KCNJ1: variants seen among roughly 807,000 people sequenced by gnomAD.
KCNJ1 encodes the protein ATP-sensitive inward rectifier potassium channel 1.
A neutral mutation model predicts 21.9 loss-of-function variants in KCNJ1; 24 were observed. The observed-to-expected ratio is 1.10, with a 90% CI of 0.79 to 1.54. The LOEUF is 1.54. Among genes scored for constraint, KCNJ1 ranks in the 40% most tolerant of loss-of-function variants. The probability of loss-of-function intolerance (pLI) is 0.00; values close to 1 mark genes in which losing one functional copy is unlikely to be tolerated. For synonymous variants in KCNJ1, 152 were observed against 160.9 expected (o/e 0.94, Z 0.42); for missense variants, 457 against 455.4 (o/e 1.00, Z -0.03).
intron 1 of KCNJ1, among the ~76,000 whole-genome samples, chr11:128,863,378 G>T (rs1333627160): frequency 6.6e-6 from 1 of 152,234 alleles, no homozygotes; most frequent in Non-Finnish European, 1.5e-5. Flanking sequence ...AGAAGCATCA[G>T]TGAGTCACAC....
chr11:128,855,882 G>A (rs537074363), intron 1 of KCNJ1, among the ~76,000 whole-genome samples: 1 of 152,332 alleles, frequency 6.6e-6, no homozygotes, highest in African/African-American at 2.4e-5. Context: ...TAACTCCCAG[G>A]TCTGGATTTG....
intron 1 of KCNJ1, among the ~76,000 whole-genome samples, chr11:128,862,216 G>A (rs1943727634): frequency 6.6e-6 from 1 of 152,132 alleles, no homozygotes; most frequent in South Asian, 2.1e-4. Flanking sequence ...CAGTAATAAG[G>A]GGAAGAAAAT....
Position 128,838,559 on chromosome 11 carries a change from CCT to C in KCNJ1, c.*564_*565del, listed in dbSNP as rs1943209143. The stretch of plus-strand genomic sequence containing the variant: ...TCAAGATTCTAGTGTGCAGATTTAG[CCT>C]CTGTCTAAACGTACCACATGAGAAG... On this transcript the variant is annotated 3_prime_UTR_variant, in exon 3 of 3. Coordinates refer to ENST00000392666, the MANE Select transcript of KCNJ1 (RefSeq NM_153766.3). 1 of 155,276 alleles carries C rather than the reference CCT, an allele frequency of 6.4e-6. No homozygotes were observed. Among genetic ancestry groups the C allele is most frequent in the Admixed American group, 6.4e-5 (1 of 15,722 alleles). 9.6% of individuals were successfully genotyped at this position (155,276 alleles called of 1,614,324 possible). A position where few individuals can be genotyped will look rare whatever the true frequency, so the allele number is the denominator to read the frequency against.
At chr11:128,853,418 G>A (rs1464648243) in intron 1 of KCNJ1, among the ~76,000 whole-genome samples, 1 of 152,218 alleles carries the variant, frequency 6.6e-6, no homozygotes, top group African/African-American at 2.4e-5. Flanking sequence ...GCCAGAGATT[G>A]TATGATTCCA....
rs985476111 is a variant in KCNJ1, at chr11:128,838,948, C to A, written c.*177G>T. Reference sequence around the variant, plus strand: ...TGCATTGCACGTTCTAATACAGTAGCCTTGTGGAGATGCATGTCTTGTGGG... The same window carrying A: ...TGCATTGCACGTTCTAATACAGTAGACTTGTGGAGATGCATGTCTTGTGGG... On this transcript the variant is annotated 3_prime_UTR_variant, in exon 3 of 3. Transcript: ENST00000392666. 4 of 632,690 alleles carry A rather than the reference C, an allele frequency of 6.3e-6. No homozygotes were observed. The South Asian group carries it at 7.6e-5, about 12-fold the overall frequency. 39.2% of individuals were successfully genotyped at this position (632,690 alleles called of 1,614,324 possible). A position where few individuals can be genotyped will look rare whatever the true frequency, so the allele number is the denominator to read the frequency against.
intron 1 of KCNJ1, among the ~76,000 whole-genome samples, chr11:128,853,771 G>A (rs1185780471): frequency 6.6e-6 from 1 of 152,178 alleles, no homozygotes; most frequent in African/African-American, 2.4e-5. Flanking sequence ...ATGCCTTTGG[G>A]CCCTTGTTGG....
At position 128,839,292 on chromosome 11, in the gene KCNJ1, A is replaced by G; in HGVS notation, c.952T>C (p.Tyr318His). The change falls in exon 3 of 3, where the codon TAC becomes CAC. Residue 318 changes from tyrosine to histidine, a missense_variant. By Grantham distance (83) the Tyr-to-His change is moderately conservative (BLOSUM62 2). Coordinates refer to ENST00000392666, the MANE Select transcript of KCNJ1 (RefSeq NM_153766.3). ...PIVSKTKEGK[Y>H]RVDFHNFSKT... ...CTAAAGTTATGGAAATCCACTCGGT[A>G]TTTCCCTTCCTTTGTCTTGGATACT... 3 of 1,614,134 alleles carry G rather than the reference A, an allele frequency of 1.9e-6. No homozygotes were observed. The highest frequency in any genetic ancestry group is 1.7e-6 in the Non-Finnish European group (2 of 1,180,020).
intron 2 of KCNJ1, 31 bp from the exon 3 acceptor site, chr11:128,840,295 G>A: frequency 6.2e-7 from 1 of 1,606,902 alleles, no homozygotes; most frequent in Non-Finnish European, 8.5e-7. Flanking sequence ...AACAAAAAAG[G>A]ATTATGTTTA....
At chr11:128,841,457 C>A (rs1201646842) in intron 2 of KCNJ1, among the ~76,000 whole-genome samples, 1 of 152,142 alleles carries the variant, frequency 6.6e-6, no homozygotes, top group Non-Finnish European at 1.5e-5. Context: ...AAGGGCCTGT[C>A]CCATAAACAC....
chr11:128,852,259 G>A (rs1943490064), intron 1 of KCNJ1, among the ~76,000 whole-genome samples: 1 of 152,208 alleles, frequency 6.6e-6, no homozygotes, highest in Non-Finnish European at 1.5e-5. Context: ...GCCATGCATT[G>A]AATGAAAGGA....
chr11:128,846,313 G>A (rs1943378356), intron 2 of KCNJ1, among the ~76,000 whole-genome samples: 1 of 152,174 alleles, frequency 6.6e-6, no homozygotes, highest in Non-Finnish European at 1.5e-5. Context: ...AAATGCAATA[G>A]CATAGGTAAA....
At chr11:128,858,703 A>G (rs1048774762) in intron 1 of KCNJ1, among the ~76,000 whole-genome samples, 37 of 152,332 alleles carry the variant, frequency 2.4e-4, no homozygotes, top group African/African-American at 8.4e-4. Flanking sequence ...CGGAGCGTCT[A>G]TGTCACTCTG....
intron 1 of KCNJ1, among the ~76,000 whole-genome samples, chr11:128,861,598 C>A (rs1943708763): frequency 6.6e-6 from 1 of 152,272 alleles, no homozygotes; most frequent in South Asian, 2.1e-4. Flanking sequence ...TACCCCTGCT[C>A]CTGGGAGCCA....
rs946253531 is a variant in KCNJ1 at position 128,848,298 on chromosome 11, A to C, written c.-22+2423T>G. 2.3e-4 allele frequency among the ~76,000 whole-genome samples: 34 copies of C among 150,694 alleles called. No homozygotes were observed. The South Asian group carries it at 7.3e-3, about 32-fold the overall frequency. On this transcript the variant is annotated intron_variant, in intron 2 of 2. Coordinates refer to ENST00000392666, the MANE Select transcript of KCNJ1 (RefSeq NM_153766.3). Reference sequence around the variant, plus strand: ...GCAAGACTCCGTCTCAAAAAAAAAAAAAAAAAAAAAAAGTACCTGAGACCA... The same window carrying C: ...GCAAGACTCCGTCTCAAAAAAAAAACAAAAAAAAAAAAGTACCTGAGACCA...
chr11:128,838,277 C>T lies in KCNJ1; in HGVS notation c.*848G>A, dbSNP rs1431699982. ...GCTCCATCCCATTCCTCTCTCTTTC[C>T]CACTTCTTCTTTAGAAATAGCATTC... On this transcript the variant is annotated 3_prime_UTR_variant, in exon 3 of 3. Transcript: ENST00000392666. The T allele has an allele frequency of 2.0e-5, 3 of 152,584 alleles. No individual in the cohort carries two copies. Among genetic ancestry groups the T allele is most frequent in the Non-Finnish European group, 4.4e-5 (3 of 68,044 alleles). The allele number at this position is 152,584 out of a possible 1,614,324, so 9.5% of individuals were successfully genotyped here.
At chr11:128,856,808 T>C (rs1345007118) in intron 1 of KCNJ1, among the ~76,000 whole-genome samples, 2 of 152,090 alleles carry the variant, frequency 1.3e-5, no homozygotes, top group Non-Finnish European at 1.5e-5. Context: ...GTCTGTCCTC[T>C]TCTCTTCATC....
chr11:128,860,155 G>A (rs1398881796), intron 1 of KCNJ1, among the ~76,000 whole-genome samples: 1 of 152,250 alleles, frequency 6.6e-6, no homozygotes, highest in Non-Finnish European at 1.5e-5. Flanking sequence ...TCTGTCAGAT[G>A]ACAATGATGC....
intron 1 of KCNJ1, 75 bp from the exon 2 acceptor site, chr11:128,850,965 C>T (rs2135950604): frequency 1.2e-6 from 1 of 800,504 alleles, no homozygotes; most frequent in Non-Finnish European, 1.5e-6. Context: ...GGTGAAACTT[C>T]AGTTAGTTTG....
At chr11:128,845,494 C>A (rs1023139115) in intron 2 of KCNJ1, among the ~76,000 whole-genome samples, 5 of 152,214 alleles carry the variant, frequency 3.3e-5, no homozygotes, top group African/African-American at 1.2e-4. Flanking sequence ...CACCACCCTG[C>A]TGGATCTGCA....
Sources: allele counts gnomAD v4.1 joint callset (sites outside exome capture counted in the v4.1 genomes callset), GRCh38; gene constraint gnomAD v4.1.1; transcripts MANE v1.5; gene names NCBI Gene and HGNC (gene_info 2026-07-23, HGNC 2026-07-21).